The following SORCS1 variants were observed in gnomAD, a reference collection of about 807,000 sequenced individuals.
SORCS1 encodes the protein VPS10 domain-containing receptor SorCS1.
A neutral mutation model predicts 146.1 loss-of-function variants in SORCS1; 60 were observed. The ratio of observed to expected loss-of-function variants is 0.41; its 90% confidence interval spans 0.33 to 0.51. SORCS1 has a LOEUF of 0.51. SORCS1 is among the 20% of genes least tolerant of loss of function. The pLI is 0.21. For missense variants in SORCS1, 1,352 were observed against 1,487.6 expected (o/e 0.91, Z 1.50); for synonymous variants, 637 against 584.0 (o/e 1.09, Z -1.31).
chr10:107,142,576 A>G (rs1590227453), intron 1 of SORCS1, among the ~76,000 whole-genome samples: 1 of 152,178 alleles, frequency 6.6e-6, no homozygotes, highest in Non-Finnish European at 1.5e-5. Context: ...CTAAATTTAT[A>G]TATTTTATTT....
At chr10:106,864,157 A>C (rs1451337239) in intron 2 of SORCS1, among the ~76,000 whole-genome samples, 1 of 152,198 alleles carries the variant, frequency 6.6e-6, no homozygotes, top group African/African-American at 2.4e-5. Flanking sequence ...TGTCATGGAG[A>C]AAAATGAAAG....
chr10:106,928,583 A>G (rs1953211475), intron 2 of SORCS1, among the ~76,000 whole-genome samples: 1 of 152,238 alleles, frequency 6.6e-6, no homozygotes, highest in Non-Finnish European at 1.5e-5. Context: ...AGTGCCGCCA[A>G]AGTGGGAGCC....
chr10:106,618,011 G>A (rs1287270512), intron 21 of SORCS1, 138 bp downstream of exon 21: 20 of 1,094,262 alleles, frequency 1.8e-5, no homozygotes, highest in East Asian at 2.5e-5. Context: ...GATGAGACTC[G>A]CCTCAGCTCT....
chr10:106,652,611 C>A, intron 17 of SORCS1, 58 bp from the exon 18 acceptor site: 2 of 1,582,766 alleles, frequency 1.3e-6, no homozygotes, highest in African/African-American at 2.7e-5. Context: ...ATCATTCCCA[C>A]TTTTTAAAAT....
intron 2 of SORCS1, among the ~76,000 whole-genome samples, chr10:106,948,639 A>G (rs1954496712): frequency 6.6e-6 from 1 of 151,666 alleles, no homozygotes; most frequent in Non-Finnish European, 1.5e-5. Flanking sequence ...GTGACAGAGC[A>G]AGACCCTGTT....
At chr10:106,579,043 C>T (rs1354099642) in intron 25 of SORCS1, 1 of 1,604,020 alleles carries the variant, frequency 6.2e-7, no homozygotes, top group South Asian at 1.1e-5. Flanking sequence ...AGAGAGTCAG[C>T]CATTGCCTAC....
chr10:106,934,827 C>T (rs557844593), intron 2 of SORCS1, among the ~76,000 whole-genome samples: 1 of 152,188 alleles, frequency 6.6e-6, no homozygotes, highest in African/African-American at 2.4e-5. Context: ...AACCAATTAC[C>T]ATATGTTCTC....
chr10:107,169,483 A>G (rs1254208164), upstream of SORCS1, among the ~76,000 whole-genome samples: 4 of 152,232 alleles, frequency 2.6e-5, no homozygotes, highest in African/African-American at 9.6e-5. Flanking sequence ...GTAGGAGCAC[A>G]TAAGCCCTCT....
Position 106,841,099 on chromosome 10 carries a change from C to G in SORCS1, c.627-11426G>C, listed in dbSNP as rs191455470. Among the ~76,000 whole-genome samples the G allele has an allele frequency of 1.1e-4, 16 of 152,032 alleles. No homozygotes were observed. The East Asian group carries it at 2.7e-3, about 26-fold the overall frequency. On this transcript the variant is annotated intron_variant, in intron 2 of 25. Coordinates refer to ENST00000263054, the MANE Select transcript of SORCS1 (RefSeq NM_052918.5). ...TAGATCTCCTGACCTCATGATCCGC[C>G]TGCCTCGGCCTCCAAAAGTGTTGGG... is the stretch of plus-strand genomic sequence containing the variant.
At chr10:107,157,415 T>C (rs762818687) in intron 1 of SORCS1, among the ~76,000 whole-genome samples, 3 of 152,228 alleles carry the variant, frequency 2.0e-5, no homozygotes, top group Non-Finnish European at 2.9e-5. Flanking sequence ...CTTGTTTTTT[T>C]TATCTGAGAG....
At chr10:106,790,568 CT>C (rs144459865) in intron 3 of SORCS1, among the ~76,000 whole-genome samples, 2 of 152,022 alleles carry the variant, frequency 1.3e-5, no homozygotes, top group African/African-American at 4.8e-5. Context: ...TTATTTGATA[CT>C]TTTTTTTGAG....
chr10:106,862,780 C>CAAA lies in SORCS1; in HGVS notation c.627-33110_627-33108dup, dbSNP rs58654489. ...CTAACACGGTGAAACCCTGTCTCTA[C>CAAA]AAAAAAAAAAAAAAAAAAAAAAAAA... On this transcript the variant is annotated intron_variant, in intron 2 of 25. Transcript: ENST00000263054. Among the ~76,000 whole-genome samples, 36 of 60,236 alleles carry CAAA rather than the reference C, an allele frequency of 6.0e-4. 1 individual carries two copies. The highest frequency in any genetic ancestry group is 1.3e-3 in the East Asian group (2 of 1,534). 39.5% of individuals were successfully genotyped at this position (60,236 alleles called of 152,430 possible).
chr10:106,910,283 TTG>T (rs141789814), intron 2 of SORCS1, among the ~76,000 whole-genome samples: 2,118 of 145,990 alleles, frequency 0.015, 48 homozygotes, highest in East Asian at 0.12. Flanking sequence ...TCTCTTTACA[TTG>T]TGTGTGTGTG....
chr10:107,066,353 C>T (rs1475712607), intron 1 of SORCS1, among the ~76,000 whole-genome samples: 1 of 152,156 alleles, frequency 6.6e-6, no homozygotes, highest in Non-Finnish European at 1.5e-5. Context: ...TGAGTTGCTA[C>T]CATGTTCATT....
intron 1 of SORCS1, among the ~76,000 whole-genome samples, chr10:107,156,153 C>A (rs1248860140): frequency 2.0e-5 from 3 of 152,168 alleles, no homozygotes; most frequent in African/African-American, 7.2e-5. Context: ...TCCCCTACCA[C>A]CCCATCTGCA....
chr10:106,932,493 A>G (rs954920402), intron 2 of SORCS1, among the ~76,000 whole-genome samples: 1 of 152,138 alleles, frequency 6.6e-6, no homozygotes, highest in Non-Finnish European at 1.5e-5. Flanking sequence ...AGTGATAGTG[A>G]TCTTTCTCCC....
At chr10:107,002,849 T>C (rs1957274549) in intron 1 of SORCS1, among the ~76,000 whole-genome samples, 1 of 152,252 alleles carries the variant, frequency 6.6e-6, no homozygotes, top group Non-Finnish European at 1.5e-5. Flanking sequence ...GTCCTACTAA[T>C]TGCTGACATG....
At chr10:106,953,644 T>C (rs929876817) in intron 2 of SORCS1, among the ~76,000 whole-genome samples, 5 of 152,150 alleles carry the variant, frequency 3.3e-5, no homozygotes. Context: ...CTCGAAGGTA[T>C]AGCATACTAC....
chr10:106,835,632 A>G (rs1180903389), intron 2 of SORCS1, among the ~76,000 whole-genome samples: 3 of 152,226 alleles, frequency 2.0e-5, no homozygotes, highest in African/African-American at 7.2e-5. Context: ...GAACTGGAAT[A>G]TAAGCAATAA....
Sources: gnomAD v4.1 joint callset for allele counts (sites outside exome capture counted in the v4.1 genomes callset) on GRCh38, gnomAD v4.1.1 for gene constraint, MANE v1.5 for transcripts, NCBI Gene and HGNC (gene_info 2026-07-23, HGNC 2026-07-21) for gene names.